The following EYS variants were observed in gnomAD, a reference collection of about 807,000 sequenced individuals.
EYS encodes protein eyes shut homolog.
In EYS, 250 loss-of-function variants were observed where a neutral mutation model predicts 282.1. That is an observed-to-expected ratio of 0.89 (90% CI 0.80 to 0.98). The LOEUF (loss-of-function observed/expected upper bound fraction) is 0.98, where lower values mean the gene tolerates loss of function less well. Ranked by LOEUF, EYS falls within the 50% of genes least tolerant of loss-of-function variation. The probability of loss-of-function intolerance (pLI) is 0.00; values close to 1 mark genes in which losing one functional copy is unlikely to be tolerated. For synonymous variants in EYS, 1,355 were observed against 1,282.9 expected (o/e 1.06, Z -1.20); for missense variants, 4,016 against 3,709.0 (o/e 1.08, Z -2.15).
intron 21 of EYS, chr6:64,815,369 T>C (rs1031116167): frequency 8.7e-6 from 2 of 231,032 alleles, no homozygotes; most frequent in African/African-American, 4.7e-5. Flanking sequence ...TCTAGATATG[T>C]ATAGAATGAT....
intron 30 of EYS, among the ~76,000 whole-genome samples, chr6:64,231,423 A>T (rs1766422708): frequency 6.6e-6 from 1 of 152,128 alleles, no homozygotes; most frequent in South Asian, 2.1e-4. Flanking sequence ...TGACAATCTG[A>T]TTCATCCCTG....
chr6:64,302,076 C>T (rs142975442), intron 30 of EYS, among the ~76,000 whole-genome samples: 34 of 152,318 alleles, frequency 2.2e-4, no homozygotes, highest in Non-Finnish European at 3.7e-4. Flanking sequence ...GCTAAATCAA[C>T]GTACACATCC....
At chr6:63,938,744 G>A (rs1336831993) in intron 35 of EYS, among the ~76,000 whole-genome samples, 3 of 152,184 alleles carry the variant, frequency 2.0e-5, no homozygotes, top group Non-Finnish European at 4.4e-5. Flanking sequence ...AAATGAGTTG[G>A]ATATATAAAA....
intron 34 of EYS, among the ~76,000 whole-genome samples, chr6:63,995,679 T>C (rs1158710004): frequency 6.6e-6 from 1 of 152,034 alleles, no homozygotes; most frequent in African/African-American, 2.4e-5. Flanking sequence ...TAAATGTCCA[T>C]TAATGGATGA....
At chr6:64,632,436 C>A (rs138250373) in intron 22 of EYS, among the ~76,000 whole-genome samples, 6 of 152,184 alleles carry the variant, frequency 3.9e-5, no homozygotes, top group African/African-American at 1.4e-4. Context: ...ATTTTATTTA[C>A]CTGTGCTGTA....
intron 32 of EYS, among the ~76,000 whole-genome samples, chr6:64,074,120 A>C (rs1771683232): frequency 6.6e-6 from 1 of 151,670 alleles, no homozygotes; most frequent in Non-Finnish European, 1.5e-5. Flanking sequence ...TACATTTCAA[A>C]ACTTTATAAA....
chr6:64,163,833 C>G (rs1775185029), intron 31 of EYS, among the ~76,000 whole-genome samples: 1 of 151,978 alleles, frequency 6.6e-6, no homozygotes, highest in Admixed American at 6.6e-5. Flanking sequence ...ACAAAGCAAA[C>G]AGCTGTTAGA....
chr6:64,312,090 G>T (rs886416986), intron 29 of EYS, among the ~76,000 whole-genome samples: 6 of 151,718 alleles, frequency 4.0e-5, no homozygotes, highest in African/African-American at 1.5e-4. Flanking sequence ...GGCTCAGCAG[G>T]TCCCACCCCA....
At chr6:65,446,316 A>G (rs1315481493) in intron 5 of EYS, among the ~76,000 whole-genome samples, 6 of 151,906 alleles carry the variant, frequency 3.9e-5, no homozygotes. Flanking sequence ...TAGCTAATTA[A>G]TACTTTTTCA....
intron 12 of EYS, among the ~76,000 whole-genome samples, chr6:65,088,430 G>C (rs1774451558): frequency 6.6e-6 from 1 of 152,160 alleles, no homozygotes; most frequent in African/African-American, 2.4e-5. Context: ...TGAGGAACTT[G>C]CTGGAAAATA....
At chr6:64,990,893 T>A (rs116174932) in intron 14 of EYS, among the ~76,000 whole-genome samples, 1 of 151,676 alleles carries the variant, frequency 6.6e-6, no homozygotes, top group African/African-American at 2.4e-5. Flanking sequence ...TGTTTGCTTT[T>A]ATTTTGCATG....
intron 29 of EYS, among the ~76,000 whole-genome samples, chr6:64,331,337 A>G (rs1770638297): frequency 6.6e-6 from 1 of 152,220 alleles, no homozygotes. Flanking sequence ...AGTAGCAGTC[A>G]TCTATTGCAA....
intron 26 of EYS, among the ~76,000 whole-genome samples, chr6:64,518,066 G>A (rs1367267512): frequency 6.6e-6 from 1 of 151,712 alleles, no homozygotes; most frequent in Non-Finnish European, 1.5e-5. Flanking sequence ...CATTTCAAAC[G>A]TTTACATGCT....
chr6:64,626,685 C>T (rs1275506290), intron 22 of EYS, among the ~76,000 whole-genome samples: 1 of 152,102 alleles, frequency 6.6e-6, no homozygotes, highest in Non-Finnish European at 1.5e-5. Flanking sequence ...AGATTTTTTC[C>T]TAGAGTTTTC....
chr6:64,547,121 G>A (rs537336608), intron 26 of EYS, among the ~76,000 whole-genome samples: 12 of 152,168 alleles, frequency 7.9e-5, no homozygotes, highest in African/African-American at 2.2e-4. Flanking sequence ...AGACCTTTGC[G>A]GTGAGTGTTA....
At chr6:65,014,926 G>A (rs1442515774) in intron 13 of EYS, among the ~76,000 whole-genome samples, 2 of 152,014 alleles carry the variant, frequency 1.3e-5, no homozygotes, top group Admixed American at 1.3e-4. Flanking sequence ...TAATCATAAG[G>A]GTCTTCCAAG....
chr6:64,246,032 A>AAAAAAAAG (rs1767006652), intron 30 of EYS, among the ~76,000 whole-genome samples: 2 of 150,180 alleles, frequency 1.3e-5, no homozygotes, highest in Admixed American at 6.6e-5. Context: ...AAAAAAAAAA[A>AAAAAAAAG]AAAAAAAAAA....
intron 36 of EYS, among the ~76,000 whole-genome samples, chr6:63,856,016 T>G (rs1196831777): frequency 1.2e-4 from 2 of 17,146 alleles, no homozygotes; most frequent in Non-Finnish European, 3.2e-4. Flanking sequence ...TTCAGTGAAG[T>G]TTTTTTTTTT....
chr6:64,505,007 T>C (rs1213548166), intron 26 of EYS, among the ~76,000 whole-genome samples: 3 of 152,202 alleles, frequency 2.0e-5, no homozygotes, highest in African/African-American at 7.2e-5. Context: ...AGACTGTTAT[T>C]GTGCTTTGAA....
Sources: allele counts gnomAD v4.1 joint callset (sites outside exome capture counted in the v4.1 genomes callset), GRCh38; gene constraint gnomAD v4.1.1; transcripts MANE v1.5; gene names NCBI Gene and HGNC (gene_info 2026-07-23, HGNC 2026-07-21).